Variants in CDH13 observed in about 807,000 individuals in gnomAD.
CDH13 encodes cadherin-13.
A neutral mutation model predicts 63.8 loss-of-function variants in CDH13; 24 were observed. That is an observed-to-expected ratio of 0.38 (90% CI 0.27 to 0.53). The LOEUF is 0.53. Ranked by LOEUF, CDH13 falls within the 20% of genes least tolerant of loss-of-function variation. The pLI is 0.85. For missense variants in CDH13, 1,049 were observed against 903.1 expected, an observed-to-expected ratio of 1.16 and a Z score of -2.07; for synonymous variants, 503 against 355.3, an observed-to-expected ratio of 1.42 and a Z score of -4.67.
rs182136004 is a variant in CDH13 at position 83,059,904 on chromosome 16, C to T, written c.366+27686C>T. Among the ~76,000 whole-genome samples, 198 of 150,736 alleles carry T rather than the reference C, an allele frequency of 1.3e-3. 1 individual carries two copies. The highest frequency in any genetic ancestry group is 0.013 in the South Asian group (60 of 4,734). ...CCACCTCCTGGTTCTCGCCATTCTC[C>T]TGCCTCAGCCTCCCGAGTAGCTGGG... On this transcript the variant is annotated intron_variant, in intron 3 of 13. Coordinates refer to ENST00000567109, the MANE Select transcript of CDH13 (RefSeq NM_001257.5).
intron 7 of CDH13, among the ~76,000 whole-genome samples, chr16:83,585,801 G>A (rs777834613): frequency 8.5e-5 from 13 of 152,130 alleles, no homozygotes; most frequent in Non-Finnish European, 1.8e-4. Context: ...TGGGAAATGG[G>A]CTCCCACGTG....
At chr16:82,632,927 C>T (rs1018810198) in intron 1 of CDH13, among the ~76,000 whole-genome samples, 5 of 152,072 alleles carry the variant, frequency 3.3e-5, no homozygotes, top group African/African-American at 9.7e-5. Context: ...AAGGAGAAGG[C>T]GACCTAGATC....
rs765066107 is a variant in CDH13 at position 83,780,009 on chromosome 16, C to T, written c.1723C>T (p.Leu575=). The part of the protein sequence containing the change: ...ATGTGTLLIT[L]EDVNDNAPFI... ...GGGCACTGGGACTTTGCTGATAACCCTGGAGGACGTGAATGACAATGCCCC... is the reference window on the plus strand; with the variant it reads ...GGGCACTGGGACTTTGCTGATAACCTTGGAGGACGTGAATGACAATGCCCC... Residue 575 remains leucine (L), a synonymous_variant, in exon 12 of 14, where the codon CTG becomes TTG. Coordinates refer to ENST00000567109, the MANE Select transcript of CDH13 (RefSeq NM_001257.5). 5.1e-5 allele frequency: 82 copies of T among 1,613,764 alleles called. 4 individuals carry two copies. The South Asian group carries it at 8.7e-4, about 17-fold the overall frequency.
chr16:82,732,368 G>A (rs1462038), intron 1 of CDH13, among the ~76,000 whole-genome samples: 120,895 of 152,100 alleles, frequency 0.79, 48,146 homozygotes, highest in East Asian at 0.91. Context: ...ATAAATGGCT[G>A]TCACTCAACT....
chr16:83,396,297 G>A (rs7199636), intron 6 of CDH13, among the ~76,000 whole-genome samples: 7 of 151,898 alleles, frequency 4.6e-5, no homozygotes, highest in African/African-American at 1.2e-4. Flanking sequence ...TCTCTACCTC[G>A]TAGGATTGTT....
At chr16:82,928,303 A>G (rs536147810) in intron 2 of CDH13, among the ~76,000 whole-genome samples, 11 of 152,282 alleles carry the variant, frequency 7.2e-5, no homozygotes, top group African/African-American at 2.6e-4. Context: ...GGTTGCCTCT[A>G]GGTTTTCACT....
intron 6 of CDH13, among the ~76,000 whole-genome samples, chr16:83,353,459 G>A (rs2090997206): frequency 6.6e-6 from 1 of 152,248 alleles, no homozygotes; most frequent in African/African-American, 2.4e-5. Context: ...CATGGGAGCT[G>A]GATACCAAAG....
chr16:83,491,554 A>G (rs1048075819), intron 7 of CDH13, among the ~76,000 whole-genome samples: 1 of 150,142 alleles, frequency 6.7e-6, no homozygotes, highest in African/African-American at 2.5e-5. Flanking sequence ...TACTCAGAGT[A>G]ACTAATGGTC....
At chr16:83,632,989 GGT>G (rs1258852399) in intron 8 of CDH13, among the ~76,000 whole-genome samples, 3 of 151,970 alleles carry the variant, frequency 2.0e-5, no homozygotes, top group Non-Finnish European at 2.9e-5. Flanking sequence ...TCATGGCACT[GGT>G]GGGAGTGTCT....
chr16:82,650,538 C>A (rs1472570797), intron 1 of CDH13, among the ~76,000 whole-genome samples: 1 of 152,222 alleles, frequency 6.6e-6, no homozygotes, highest in African/African-American at 2.4e-5. Context: ...CTGAGTGCAA[C>A]CCCTACCCTA....
At chr16:83,081,738 A>G (rs1308918878) in intron 3 of CDH13, among the ~76,000 whole-genome samples, 1 of 152,092 alleles carries the variant, frequency 6.6e-6, no homozygotes, top group Non-Finnish European at 1.5e-5. Context: ...CGCAAGGATC[A>G]TCTCCTTAGA....
At chr16:82,880,436 A>T (rs974940083) in intron 2 of CDH13, among the ~76,000 whole-genome samples, 6 of 152,176 alleles carry the variant, frequency 3.9e-5, no homozygotes, top group African/African-American at 1.4e-4. Context: ...CCTTCATCTA[A>T]TTCATACTGA....
chr16:83,485,275 G>T (rs1232290682), intron 6 of CDH13, among the ~76,000 whole-genome samples: 1 of 152,202 alleles, frequency 6.6e-6, no homozygotes, highest in Admixed American at 6.5e-5. Flanking sequence ...ATGCCAAGGA[G>T]GCGAAGGCAT....
intron 1 of CDH13, among the ~76,000 whole-genome samples, chr16:82,698,302 A>T (rs2030574822): frequency 6.6e-6 from 1 of 152,170 alleles, no homozygotes; most frequent in South Asian, 2.1e-4. Flanking sequence ...GCTGGTTGGG[A>T]TTGCTTGCTT....
chr16:83,045,727 A>G (rs552906599), intron 3 of CDH13, among the ~76,000 whole-genome samples: 50 of 152,116 alleles, frequency 3.3e-4, no homozygotes, highest in African/African-American at 1.2e-3. Flanking sequence ...TTTGATAAAG[A>G]CCATGGATTT....
chr16:82,798,479 T>C (rs1297189423), intron 1 of CDH13, among the ~76,000 whole-genome samples: 1 of 152,176 alleles, frequency 6.6e-6, no homozygotes, highest in Non-Finnish European at 1.5e-5. Context: ...TGGTTATTAC[T>C]CTCCAACCAT....
chr16:83,214,282 T>G (rs2039428288), intron 4 of CDH13, among the ~76,000 whole-genome samples: 1 of 151,912 alleles, frequency 6.6e-6, no homozygotes, highest in African/African-American at 2.4e-5. Context: ...AATTTTGTTA[T>G]TAAAAAGGAA....
intron 7 of CDH13, among the ~76,000 whole-genome samples, chr16:83,573,300 G>T (rs1228298920): frequency 6.6e-6 from 1 of 152,146 alleles, no homozygotes; most frequent in African/African-American, 2.4e-5. Flanking sequence ...GGATCCTTAG[G>T]TTTAGTACTG....
intron 10 of CDH13, among the ~76,000 whole-genome samples, chr16:83,734,720 C>A (rs1007306153): frequency 3.3e-5 from 2 of 60,818 alleles, no homozygotes; most frequent in South Asian, 4.7e-4. Context: ...TACCTTAAAA[C>A]TTAAAGTATA....
Sources: gnomAD v4.1 joint callset for allele counts (sites outside exome capture counted in the v4.1 genomes callset) on GRCh38, gnomAD v4.1.1 for gene constraint, MANE v1.5 for transcripts, NCBI Gene and HGNC (gene_info 2026-07-23, HGNC 2026-07-21) for gene names.